The following C11orf65 variants were observed in gnomAD, a reference collection of about 807,000 sequenced individuals.
C11orf65 encodes chromosome 11 open reading frame 65.
A neutral mutation model predicts 35.3 loss-of-function variants in C11orf65; 38 were observed. The observed-to-expected ratio is 1.08, with a 90% confidence interval of 0.83 to 1.41. The LOEUF (loss-of-function observed/expected upper bound fraction) is 1.41. C11orf65 is among the 40% of genes most tolerant of loss of function. The pLI, the probability that C11orf65 is intolerant of heterozygous loss-of-function variation, is 0.00. For synonymous variants in C11orf65, 105 were observed against 114.4 expected (o/e 0.92, Z 0.53); for missense variants, 370 against 367.1 (o/e 1.01, Z -0.06).
rs3212322 is a variant in C11orf65 at position 108,325,985 on chromosome 11, CATT to C, written c.641-16917_641-16915del. 0.55 allele frequency: 845,083 copies of C among 1,535,810 alleles called. 237,239 individuals carry two copies. Among genetic ancestry groups the C allele is most frequent in the Middle Eastern group, 0.71 (3,953 of 5,538 alleles). ...CTCAATGAATGGTAGTTGCTGCTTT[CATT>C]ATTATTATTATTCATGGTAGTAGTA... On this transcript the variant is annotated intron_variant, in intron 6 of 6. Coordinates refer to the C11orf65 transcript ENST00000525729.
At chr11:108,430,462 TAA>T (rs1302997970) in intron 3 of C11orf65, among the ~76,000 whole-genome samples, 1 of 151,812 alleles carries the variant, frequency 6.6e-6, no homozygotes, top group Non-Finnish European at 1.5e-5. Flanking sequence ...TAAAAATCGT[TAA>T]GATAGTAAAT....
In C11orf65 at chr11:108,325,366, A is replaced by C. The variant is rs1252127806; in HGVS notation, c.641-16295T>G. 1.4e-5 allele frequency: 22 copies of C among 1,612,808 alleles called. No individual in the cohort carries two copies. Among genetic ancestry groups the C allele is most frequent in the Non-Finnish European group, 1.9e-5 (22 of 1,179,804 alleles). On this transcript the variant is annotated intron_variant, in intron 6 of 6. Coordinates refer to the C11orf65 transcript ENST00000525729. ...TATATTAAGTGGCAGAAACACTCCCAGCTTCTCAAGGACAGTGATTTTAGT... is the reference window on the plus strand; with the variant it reads ...TATATTAAGTGGCAGAAACACTCCCCGCTTCTCAAGGACAGTGATTTTAGT...
intron 2 of C11orf65, among the ~76,000 whole-genome samples, chr11:108,335,525 A>G (rs545264205): frequency 1.3e-4 from 20 of 152,140 alleles, no homozygotes; most frequent in Middle Eastern, 3.2e-3. Flanking sequence ...CCATTTGCTG[A>G]CGAGCTCTTT....
intron 2 of C11orf65, among the ~76,000 whole-genome samples, chr11:108,441,548 T>A (rs780259333): frequency 3.9e-5 from 6 of 152,168 alleles, no homozygotes. Flanking sequence ...GACCCCCAAG[T>A]AGCCTAACTG....
At chr11:108,462,368 A>G (rs1296931546) in intron 1 of C11orf65, among the ~76,000 whole-genome samples, 1 of 152,206 alleles carries the variant, frequency 6.6e-6, no homozygotes, top group Non-Finnish European at 1.5e-5. Flanking sequence ...TTGGTGATTT[A>G]ATATGTTCTA....
intron 3 of C11orf65, among the ~76,000 whole-genome samples, chr11:108,416,570 C>T (rs1006746734): frequency 2.0e-5 from 3 of 151,926 alleles, no homozygotes; most frequent in South Asian, 2.1e-4. Context: ...TCCAGCTACT[C>T]GGGACACTGA....
chr11:108,446,836 G>C (rs1437606376), intron 2 of C11orf65, among the ~76,000 whole-genome samples: 1 of 152,080 alleles, frequency 6.6e-6, no homozygotes, highest in Non-Finnish European at 1.5e-5. Flanking sequence ...ACACAGACTG[G>C]CAAATTGGAT....
At chr11:108,349,607 G>T (rs540719349) in intron 2 of C11orf65, among the ~76,000 whole-genome samples, 2 of 152,110 alleles carry the variant, frequency 1.3e-5, no homozygotes, top group South Asian at 2.1e-4. Flanking sequence ...AGGTTGCAGT[G>T]AGCTAAGATC....
intron 2 of C11orf65, among the ~76,000 whole-genome samples, chr11:108,446,519 A>G (rs1391377899): frequency 1.3e-5 from 2 of 151,856 alleles, no homozygotes; most frequent in South Asian, 4.1e-4. Context: ...AGAATTTCAT[A>G]TCCAGCCAAA....
chr11:108,439,752 C>T (rs1176506116), intron 2 of C11orf65, among the ~76,000 whole-genome samples: 1 of 151,794 alleles, frequency 6.6e-6, no homozygotes, highest in African/African-American at 2.4e-5. Context: ...AAATGAGGTA[C>T]CTAAAATAGG....
intron 3 of C11orf65, among the ~76,000 whole-genome samples, chr11:108,417,899 C>G (rs934281534): frequency 5.4e-5 from 8 of 149,424 alleles, no homozygotes; most frequent in Non-Finnish European, 7.4e-5. Flanking sequence ...ACAAGTATCT[C>G]AAAACTTAAA....
At chr11:108,374,803 G>C (rs1591413052) in intron 2 of C11orf65, among the ~76,000 whole-genome samples, 1 of 152,320 alleles carries the variant, frequency 6.6e-6, no homozygotes, top group East Asian at 1.9e-4. Context: ...GGAGCTGATG[G>C]AGCTGAAAGC....
chr11:108,383,153 C>A lies in C11orf65; in HGVS notation c.810G>T (p.Gln270His). ...CTCCTCCATAGTTATATATGTTTTT[C>A]TGTGCTTGATTAAACCTGAATCCTA... ...NFKGFRFNQA[Q>H]KNIYNYGGDI... The change falls in exon 9 of 9, where the codon CAG becomes CAT. Residue 270 changes from glutamine (Q) to histidine (H), a missense_variant. Gln to His is a conservative substitution (Grantham distance 24). Coordinates refer to ENST00000393084, the MANE Select transcript of C11orf65 (RefSeq NM_152587.5). 5.6e-6 allele frequency: 9 copies of A among 1,601,040 alleles called. No individual in the cohort carries two copies. Among genetic ancestry groups the A allele is most frequent in the Non-Finnish European group, 6.8e-6 (8 of 1,176,256 alleles).
intron 6 of C11orf65, among the ~76,000 whole-genome samples, chr11:108,404,825 T>C (rs2092509586): frequency 6.6e-6 from 1 of 152,192 alleles, no homozygotes; most frequent in African/African-American, 2.4e-5. Flanking sequence ...AGTAGCTTTA[T>C]AAGTCTTGAA....
intron 3 of C11orf65, among the ~76,000 whole-genome samples, chr11:108,425,985 A>G (rs1416766365): frequency 6.6e-6 from 1 of 152,226 alleles, no homozygotes; most frequent in Non-Finnish European, 1.5e-5. Context: ...CTAGGTATTC[A>G]TGGAACGTAT....
At chr11:108,352,094 A>T (rs1261990954) in intron 2 of C11orf65, among the ~76,000 whole-genome samples, 1 of 152,186 alleles carries the variant, frequency 6.6e-6, no homozygotes, top group Non-Finnish European at 1.5e-5. Flanking sequence ...GTAATAACTA[A>T]AAGGTGTAGG....
chr11:108,423,836 TAACA>T (rs907510618), intron 3 of C11orf65, among the ~76,000 whole-genome samples: 5 of 151,998 alleles, frequency 3.3e-5, no homozygotes, highest in Admixed American at 3.3e-4. Context: ...GAAGGAAAAC[TAACA>T]AACAGAAAGG....
At chr11:108,391,825 T>C (rs939615312) in intron 7 of C11orf65, among the ~76,000 whole-genome samples, 2 of 151,666 alleles carry the variant, frequency 1.3e-5, no homozygotes, top group Admixed American at 1.3e-4. Flanking sequence ...ATTCTGGGTA[T>C]TTCCTATAAA....
At chr11:108,425,869 T>C (rs548095868) in intron 3 of C11orf65, among the ~76,000 whole-genome samples, 2 of 152,064 alleles carry the variant, frequency 1.3e-5, no homozygotes, top group Non-Finnish European at 2.9e-5. Context: ...ATGTAATCCA[T>C]CACATAAAAA....
Sources: allele counts gnomAD v4.1 joint callset (sites outside exome capture counted in the v4.1 genomes callset), GRCh38; gene constraint gnomAD v4.1.1; transcripts MANE v1.5; gene names NCBI Gene and HGNC (gene_info 2026-07-23, HGNC 2026-07-21).